CNGB3: variants seen among roughly 807,000 people sequenced by gnomAD.
CNGB3 encodes the protein cyclic nucleotide-gated channel beta-3.
Under a neutral mutation model 92.8 loss-of-function variants are expected in CNGB3, and 86 were observed. That is an observed-to-expected ratio of 0.93 (90% CI 0.78 to 1.11). The LOEUF is 1.11. Among genes scored for constraint, CNGB3 ranks in the 50% least tolerant of loss-of-function variants. The probability of loss-of-function intolerance (pLI) is 0.00; values close to 1 mark genes in which losing one functional copy is unlikely to be tolerated. For missense variants in CNGB3, 1,026 were observed against 956.8 expected, an observed-to-expected ratio of 1.07 and a Z score of -0.95; for synonymous variants, 333 against 332.7, an observed-to-expected ratio of 1.00 and a Z score of -0.01.
chr8:86,700,097 A>G (rs370637323), intron 3 of CNGB3, among the ~76,000 whole-genome samples: 44 of 152,170 alleles, frequency 2.9e-4, no homozygotes, highest in African/African-American at 9.9e-4. Context: ...CTTCAAAGAA[A>G]CGAGACCTAA....
At chr8:86,671,333 G>A (rs1823858795) in intron 3 of CNGB3, among the ~76,000 whole-genome samples, 1 of 152,144 alleles carries the variant, frequency 6.6e-6, no homozygotes, top group Non-Finnish European at 1.5e-5. Flanking sequence ...GACCATATTG[G>A]ATCTTGATGA....
intron 13 of CNGB3, among the ~76,000 whole-genome samples, chr8:86,619,552 A>C (rs557654289): frequency 1.3e-5 from 2 of 152,114 alleles, no homozygotes; most frequent in Non-Finnish European, 2.9e-5. Context: ...GCAAAGTTTT[A>C]GTGAAAATCT....
chr8:86,584,882 G>A (rs963179196), intron 15 of CNGB3, among the ~76,000 whole-genome samples: 3 of 152,148 alleles, frequency 2.0e-5, no homozygotes, highest in African/African-American at 7.2e-5. Context: ...TGCCTACCAT[G>A]TATTCAGTAC....
chr8:86,586,380 C>A (rs1821890921), intron 15 of CNGB3, among the ~76,000 whole-genome samples: 1 of 151,406 alleles, frequency 6.6e-6, no homozygotes, highest in African/African-American at 2.4e-5. Context: ...TACATGTGCA[C>A]ATTGTGCAGG....
In CNGB3 at chr8:86,604,533, G is replaced by A. The variant is rs116179925; in HGVS notation, c.1663-322C>T. On this transcript the variant is annotated intron_variant, in intron 14 of 17. Coordinates refer to ENST00000320005, the MANE Select transcript of CNGB3 (RefSeq NM_019098.5). ...GAAGTAATTGATTTTAAGCATGGTC[G>A]AACCTGGCTTTGATGACCACCACTA... Among the ~76,000 whole-genome samples the A allele has an allele frequency of 1.4e-3, 217 of 152,202 alleles. 2 individuals carry two copies. Among genetic ancestry groups the A allele is most frequent in the African/African-American group, 4.9e-3 (205 of 41,538 alleles).
chr8:86,735,163 G>C (rs61396539), intron 2 of CNGB3, among the ~76,000 whole-genome samples: 29 of 860 alleles, frequency 0.034, 1 homozygote, highest in African/African-American at 0.13. Context: ...TTTTTTTTGA[G>C]ACAGAGTCTT....
chr8:86,659,974 T>G, intron 6 of CNGB3: 1 of 348,920 alleles, frequency 2.9e-6, no homozygotes, highest in Non-Finnish European at 5.8e-6. Flanking sequence ...AAGTCTTGGT[T>G]TCATCCATGA....
At chr8:86,634,900 A>T (rs953717602) in intron 10 of CNGB3, among the ~76,000 whole-genome samples, 1 of 152,038 alleles carries the variant, frequency 6.6e-6, no homozygotes, top group Non-Finnish European at 1.5e-5. Flanking sequence ...ATATTCAAAT[A>T]AAAACAGATC....
At chr8:86,695,297 G>A (rs990411846) in intron 3 of CNGB3, among the ~76,000 whole-genome samples, 1 of 152,150 alleles carries the variant, frequency 6.6e-6, no homozygotes, top group Non-Finnish European at 1.5e-5. Flanking sequence ...GAAAGAGAGG[G>A]AGAGGGAGAC....
At chr8:86,720,767 A>G (rs1227454669) in intron 3 of CNGB3, among the ~76,000 whole-genome samples, 1 of 151,168 alleles carries the variant, frequency 6.6e-6, no homozygotes, top group East Asian at 1.9e-4. Flanking sequence ...TCAATCAATG[A>G]GTAAATAAAG....
At chr8:86,654,668 C>T (rs1483237329) in intron 6 of CNGB3, among the ~76,000 whole-genome samples, 1 of 152,126 alleles carries the variant, frequency 6.6e-6, no homozygotes, top group Non-Finnish European at 1.5e-5. Context: ...ACCTCTGAAG[C>T]ATTAAAAATT....
chr8:86,580,442 G>A (rs1341525543), intron 15 of CNGB3, among the ~76,000 whole-genome samples: 1 of 152,140 alleles, frequency 6.6e-6, no homozygotes, highest in Non-Finnish European at 1.5e-5. Flanking sequence ...AACATCAAAT[G>A]TGAAAGCCAG....
chr8:86,592,252 G>A (rs1478678501), intron 15 of CNGB3, among the ~76,000 whole-genome samples: 1 of 152,222 alleles, frequency 6.6e-6, no homozygotes, highest in African/African-American at 2.4e-5. Context: ...GCACTCCCTA[G>A]TGAGATGAAC....
At chr8:86,695,162 C>T (rs1426092303) in intron 3 of CNGB3, among the ~76,000 whole-genome samples, 2 of 30,280 alleles carry the variant, frequency 6.6e-5, no homozygotes, top group South Asian at 6.6e-3. Flanking sequence ...TCAGGCGTGG[C>T]GGTGGCGCCT....
rs2131671953 is a variant in CNGB3, at chr8:86,726,533, G to A, written c.336C>T (p.Asn112=). The part of the protein sequence containing the change: ...KEMDPGKEGP[N]SPQNKPPAAP... Reference sequence around the variant, plus strand: ...TGTGTGTTTTATTAAATGCTCACCTGTTTGGACCTTCTTTCCCGGGGTCCA... The same window carrying A: ...TGTGTGTTTTATTAAATGCTCACCTATTTGGACCTTCTTTCCCGGGGTCCA... Residue 112 remains asparagine, a splice_region_variant and synonymous_variant, in exon 3 of 18, where the codon AAC becomes AAT. Coordinates refer to ENST00000320005, the MANE Select transcript of CNGB3 (RefSeq NM_019098.5). 1.9e-6 allele frequency: 3 copies of A among 1,613,768 alleles called. No homozygotes were observed. Among genetic ancestry groups the A allele is most frequent in the Non-Finnish European group, 2.5e-6 (3 of 1,179,706 alleles).
chr8:86,676,737 C>T (rs1422411522), intron 3 of CNGB3, among the ~76,000 whole-genome samples: 5 of 152,112 alleles, frequency 3.3e-5, no homozygotes, highest in East Asian at 1.9e-4. Flanking sequence ...ATTTTAAAAT[C>T]GAGTCTTTAT....
At chr8:86,699,632 A>G (rs1451195892) in intron 3 of CNGB3, among the ~76,000 whole-genome samples, 4 of 152,238 alleles carry the variant, frequency 2.6e-5, no homozygotes, top group African/African-American at 4.8e-5. Flanking sequence ...ACAACAATCA[A>G]TAAAAGGAAA....
intron 3 of CNGB3, among the ~76,000 whole-genome samples, chr8:86,673,630 G>A (rs927039346): frequency 2.0e-4 from 30 of 152,192 alleles, no homozygotes; most frequent in African/African-American, 7.2e-4. Flanking sequence ...TAGCAATAGT[G>A]AGAGGATAGG....
chr8:86,670,276 A>C (rs1434480165), intron 4 of CNGB3, among the ~76,000 whole-genome samples: 3 of 152,188 alleles, frequency 2.0e-5, no homozygotes, highest in Admixed American at 2.0e-4. Context: ...GTGTTTTTAT[A>C]ATATGTACTT....
Sources: gnomAD v4.1 joint callset for allele counts (sites outside exome capture counted in the v4.1 genomes callset) on GRCh38, gnomAD v4.1.1 for gene constraint, MANE v1.5 for transcripts, NCBI Gene and HGNC (gene_info 2026-07-23, HGNC 2026-07-21) for gene names.